Variants in TTC29 observed in about 807,000 individuals in gnomAD.
TTC29 encodes tetratricopeptide repeat domain 29.
TTC29 carries 49 observed loss-of-function variants against 58.1 expected under a neutral mutation model. The observed-to-expected ratio is 0.84, with a 90% confidence interval of 0.67 to 1.07. The LOEUF is 1.07. TTC29 is among the 50% of genes least tolerant of loss of function. TTC29 has a pLI of 0.00. For synonymous variants in TTC29, 209 were observed against 196.8 expected (o/e 1.06, Z -0.52); for missense variants, 582 against 555.6 (o/e 1.05, Z -0.48).
intron 6 of TTC29, among the ~76,000 whole-genome samples, chr4:146,875,252 T>C (rs372281778): frequency 1.3e-5 from 2 of 152,320 alleles, no homozygotes; most frequent in African/African-American, 4.8e-5. Context: ...TCTTTAACAT[T>C]ATGTATGCCA....
intron 6 of TTC29, among the ~76,000 whole-genome samples, chr4:146,877,566 AAAC>A (rs1382215639): frequency 6.6e-6 from 1 of 152,130 alleles, no homozygotes; most frequent in Non-Finnish European, 1.5e-5. Flanking sequence ...TCATTTTTTA[AAAC>A]TAGAATGGAG....
intron 11 of TTC29, among the ~76,000 whole-genome samples, chr4:146,735,929 A>C (rs1416372403): frequency 1.3e-5 from 2 of 152,204 alleles, no homozygotes; most frequent in East Asian, 3.8e-4. Flanking sequence ...GCAAGGTAGA[A>C]ATATTTAGAT....
chr4:146,749,024 G>T (rs1199226026), intron 11 of TTC29, among the ~76,000 whole-genome samples: 1 of 152,102 alleles, frequency 6.6e-6, no homozygotes. Flanking sequence ...AAATTCAACA[G>T]AGATATACAT....
intron 6 of TTC29, among the ~76,000 whole-genome samples, chr4:146,886,405 C>T (rs554417516): frequency 1.6e-4 from 25 of 152,190 alleles, no homozygotes; most frequent in African/African-American, 5.1e-4. Flanking sequence ...TTAACCTTCA[C>T]GGATTTAGTT....
intron 6 of TTC29, among the ~76,000 whole-genome samples, chr4:146,901,622 T>C (rs971151111): frequency 6.6e-6 from 1 of 152,182 alleles, no homozygotes; most frequent in Non-Finnish European, 1.5e-5. Context: ...ATGATCAGCA[T>C]GCACTTGCCT....
At position 146,832,349 on chromosome 4, in the gene TTC29, T is replaced by A. The variant is rs548678064; in HGVS notation, c.977+1457A>T. 1.1e-4 allele frequency among the ~76,000 whole-genome samples: 16 copies of A among 152,278 alleles called. No homozygotes were observed. The South Asian group carries it at 3.3e-3, about 32-fold the overall frequency. On this transcript the variant is annotated intron_variant, in intron 9 of 12. Transcript: ENST00000325106. The stretch of plus-strand genomic sequence containing the variant: ...TGGGTTGTTGTTTGGAAGTAAAAGT[T>A]TTGAAAAATAGCTGAGTTGGTCTTC...
intron 8 of TTC29, among the ~76,000 whole-genome samples, chr4:146,863,043 AC>A (rs1366692166): frequency 6.6e-6 from 1 of 151,322 alleles, no homozygotes; most frequent in Non-Finnish European, 1.5e-5. Flanking sequence ...AATGGTGTGA[AC>A]CTGGGAGGTG....
chr4:146,768,916 T>G (rs2150071614), intron 11 of TTC29, among the ~76,000 whole-genome samples: 1 of 152,146 alleles, frequency 6.6e-6, no homozygotes, highest in South Asian at 2.1e-4. Context: ...CAGGGAAATT[T>G]AATAGTATTT....
intron 11 of TTC29, among the ~76,000 whole-genome samples, chr4:146,782,387 G>A (rs549830718): frequency 6.6e-6 from 1 of 151,840 alleles, no homozygotes; most frequent in Non-Finnish European, 1.5e-5. Flanking sequence ...TTATTGAAAT[G>A]TATTAATTAT....
At chr4:146,782,724 A>C (rs1285938242) in intron 11 of TTC29, among the ~76,000 whole-genome samples, 2 of 152,012 alleles carry the variant, frequency 1.3e-5, no homozygotes, top group African/African-American at 4.8e-5. Context: ...CTATAATACA[A>C]GGAGATATAT....
At chr4:146,815,151 G>A (rs1483947710) in intron 10 of TTC29, among the ~76,000 whole-genome samples, 2 of 152,096 alleles carry the variant, frequency 1.3e-5, no homozygotes, top group Admixed American at 1.3e-4. Flanking sequence ...CTTATGCGGG[G>A]GTGGGAGGGA....
At chr4:146,804,017 G>A (rs1750424150) in intron 10 of TTC29, among the ~76,000 whole-genome samples, 1 of 152,208 alleles carries the variant, frequency 6.6e-6, no homozygotes, top group Non-Finnish European at 1.5e-5. Context: ...ACAGAAGGCA[G>A]GTGATTTCTG....
intron 8 of TTC29, among the ~76,000 whole-genome samples, chr4:146,859,700 A>T (rs1046290823): frequency 1.3e-5 from 2 of 152,122 alleles, no homozygotes; most frequent in Non-Finnish European, 2.9e-5. Context: ...AGGAGTGATA[A>T]CCACATAGAA....
intron 8 of TTC29, among the ~76,000 whole-genome samples, chr4:146,844,628 G>T (rs901261060): frequency 6.6e-6 from 1 of 151,852 alleles, no homozygotes; most frequent in Non-Finnish European, 1.5e-5. Context: ...CAATCCACCC[G>T]CCTTGGCCTC....
chr4:146,857,277 A>AGTGTGTGTGTGTGTGTGT lies in TTC29; in HGVS notation c.885+10203_885+10220dup, dbSNP rs70958531. On this transcript the variant is annotated intron_variant, in intron 8 of 12. Coordinates refer to ENST00000325106, the MANE Select transcript of TTC29 (RefSeq NM_031956.4). ...GGCGCTGTTTGTGTACTAGTGGAAG[A>AGTGTGTGTGTGTGTGTGT]GTGTGTGTGTGTGTGTGTGTGGAGG... is the stretch of plus-strand genomic sequence containing the variant. Among the ~76,000 whole-genome samples, 52 of 149,422 alleles carry AGTGTGTGTGTGTGTGTGT rather than the reference A, an allele frequency of 3.5e-4. No homozygotes were observed. The East Asian group carries it at 6.5e-3, about 19-fold the overall frequency.
chr4:146,820,945 T>G (rs7673130), intron 9 of TTC29, among the ~76,000 whole-genome samples: 1 of 150,858 alleles, frequency 6.6e-6, no homozygotes, highest in Non-Finnish European at 1.5e-5. Context: ...GGCAGGAGAA[T>G]GGCATGAACC....
intron 8 of TTC29, among the ~76,000 whole-genome samples, chr4:146,840,283 G>A (rs1728772153): frequency 6.6e-6 from 1 of 151,658 alleles, no homozygotes; most frequent in Non-Finnish European, 1.5e-5. Context: ...AGAGGGAAAT[G>A]TGCAGCAGCA....
chr4:146,814,555 G>T (rs1751257658), intron 10 of TTC29, among the ~76,000 whole-genome samples: 1 of 151,918 alleles, frequency 6.6e-6, no homozygotes, highest in African/African-American at 2.4e-5. Context: ...GTGAAACCCT[G>T]TATCTACTAA....
chr4:146,894,916 G>T (rs1186282139), intron 6 of TTC29, among the ~76,000 whole-genome samples: 1 of 152,066 alleles, frequency 6.6e-6, no homozygotes, highest in Non-Finnish European at 1.5e-5. Flanking sequence ...GCATGCCATG[G>T]TGGTTTACTG....
Sources: gnomAD v4.1 joint callset for allele counts (sites outside exome capture counted in the v4.1 genomes callset) on GRCh38, gnomAD v4.1.1 for gene constraint, MANE v1.5 for transcripts, NCBI Gene and HGNC (gene_info 2026-07-23, HGNC 2026-07-21) for gene names.